SGCZ: variants seen among roughly 807,000 people sequenced by gnomAD.
SGCZ encodes sarcoglycan zeta.
In SGCZ, 40 loss-of-function variants were observed where a neutral mutation model predicts 41.3. The ratio of observed to expected loss-of-function variants is 0.97; its 90% confidence interval spans 0.75 to 1.26. The LOEUF is 1.26. Ranked by LOEUF, SGCZ falls within the 50% of genes most tolerant of loss-of-function variation. SGCZ has a pLI of 0.00. For synonymous variants in SGCZ, 206 were observed against 137.5 expected (o/e 1.50, Z -3.49); for missense variants, 552 against 369.8 (o/e 1.49, Z -4.04).
intron 3 of SGCZ, among the ~76,000 whole-genome samples, chr8:14,296,548 A>T (rs1801017757): frequency 6.6e-6 from 1 of 152,198 alleles, no homozygotes; most frequent in Non-Finnish European, 1.5e-5. Context: ...TCAACATAAG[A>T]AACAATATGT....
chr8:14,856,610 C>G (rs1251900443), intron 1 of SGCZ, among the ~76,000 whole-genome samples: 2 of 152,038 alleles, frequency 1.3e-5, no homozygotes, highest in Non-Finnish European at 2.9e-5. Context: ...AAGCCCTCCC[C>G]CAAATAAAGA....
intron 7 of SGCZ, among the ~76,000 whole-genome samples, chr8:14,091,533 G>A (rs928537878): frequency 2.6e-5 from 4 of 152,062 alleles, no homozygotes; most frequent in African/African-American, 7.2e-5. Flanking sequence ...GGCCTGAGAT[G>A]GTATCCCATT....
intron 1 of SGCZ, among the ~76,000 whole-genome samples, chr8:14,562,897 G>C (rs1277856341): frequency 1.3e-5 from 2 of 152,186 alleles, no homozygotes; most frequent in African/African-American, 4.8e-5. Flanking sequence ...TGATCTTAGA[G>C]ATGTGGTAGC....
At chr8:14,967,942 A>G (rs926935187) in intron 1 of SGCZ, among the ~76,000 whole-genome samples, 3 of 152,152 alleles carry the variant, frequency 2.0e-5, no homozygotes, top group African/African-American at 7.2e-5. Context: ...AAAGCAAATT[A>G]TTTTCACATA....
chr8:14,927,221 G>A (rs969165496), intron 1 of SGCZ, among the ~76,000 whole-genome samples: 4 of 147,564 alleles, frequency 2.7e-5, no homozygotes, highest in African/African-American at 1.0e-4. Flanking sequence ...CCATTCTCCT[G>A]CCTCACCCTC....
chr8:15,165,266 G>T (rs915208877), intron 1 of SGCZ, among the ~76,000 whole-genome samples: 10 of 151,962 alleles, frequency 6.6e-5, no homozygotes, highest in African/African-American at 2.4e-4. Context: ...CTCCAGCCTG[G>T]GACAGAGCGA....
chr8:14,867,503 C>A (rs1022966009), intron 1 of SGCZ, among the ~76,000 whole-genome samples: 1 of 152,022 alleles, frequency 6.6e-6, no homozygotes, highest in African/African-American at 2.4e-5. Context: ...GTATTTCTGT[C>A]TTTAGGTCTT....
At position 14,988,637 on chromosome 8, in the gene SGCZ, TA is replaced by T. The variant is rs571460132; in HGVS notation, c.39+248947del. Among the ~76,000 whole-genome samples, 1,326 of 151,280 alleles carry T rather than the reference TA, an allele frequency of 8.8e-3. 24 individuals carry two copies. The highest frequency in any genetic ancestry group is 0.029 in the African/African-American group (1,205 of 41,306). Reference sequence around the variant, plus strand: ...ACATTTTCAATGCAGTACAACATATTAAAAAAAAACTGTTATTCTAATAGTT... The same window carrying T: ...ACATTTTCAATGCAGTACAACATATTAAAAAAAACTGTTATTCTAATAGTT... On this transcript the variant is annotated intron_variant, in intron 1 of 7. Transcript: ENST00000382080.
At chr8:14,722,992 C>T (rs756086737) in intron 1 of SGCZ, among the ~76,000 whole-genome samples, 14 of 152,140 alleles carry the variant, frequency 9.2e-5, no homozygotes, top group Non-Finnish European at 1.8e-4. Context: ...ATTCAAGTCA[C>T]GCAGATTCTA....
At chr8:14,142,772 G>C (rs1317962493) in intron 5 of SGCZ, among the ~76,000 whole-genome samples, 11 of 152,076 alleles carry the variant, frequency 7.2e-5, no homozygotes, top group Non-Finnish European at 1.5e-5. Context: ...TCCCCCAGGT[G>C]CTGTCATCCC....
At chr8:14,839,404 A>G (rs925893018) in intron 1 of SGCZ, among the ~76,000 whole-genome samples, 2 of 152,186 alleles carry the variant, frequency 1.3e-5, no homozygotes, top group African/African-American at 4.8e-5. Context: ...TAAGATGTCT[A>G]TTAGACTCTG....
chr8:15,051,385 C>T (rs971591989), intron 1 of SGCZ, among the ~76,000 whole-genome samples: 1 of 152,074 alleles, frequency 6.6e-6, no homozygotes, highest in African/African-American at 2.4e-5. Flanking sequence ...AGAATGAATA[C>T]CACAATTTTT....
intron 1 of SGCZ, among the ~76,000 whole-genome samples, chr8:14,818,676 T>C (rs1482369307): frequency 6.6e-6 from 1 of 151,964 alleles, no homozygotes; most frequent in Non-Finnish European, 1.5e-5. Context: ...AAACAAATAA[T>C]TCACTGAAGT....
At chr8:14,955,786 A>G (rs1800772708) in intron 1 of SGCZ, among the ~76,000 whole-genome samples, 1 of 152,126 alleles carries the variant, frequency 6.6e-6, no homozygotes, top group Admixed American at 6.6e-5. Flanking sequence ...TGAATCATGT[A>G]TATCAACTCA....
chr8:14,627,249 T>C (rs192515096), intron 1 of SGCZ, among the ~76,000 whole-genome samples: 7 of 152,174 alleles, frequency 4.6e-5, no homozygotes, highest in Non-Finnish European at 1.0e-4. Context: ...GAACCTTTAG[T>C]TTACGTAGTA....
At chr8:15,040,411 C>A (rs1804048438) in intron 1 of SGCZ, among the ~76,000 whole-genome samples, 1 of 152,080 alleles carries the variant, frequency 6.6e-6, no homozygotes, top group Non-Finnish European at 1.5e-5. Context: ...GGTAGGAATT[C>A]AAGAGCAGCC....
intron 1 of SGCZ, among the ~76,000 whole-genome samples, chr8:14,592,486 T>A (rs375129933): frequency 1.3e-5 from 2 of 152,150 alleles, no homozygotes; most frequent in Non-Finnish European, 2.9e-5. Context: ...TTTACAAAGT[T>A]TATCTCTTCC....
At chr8:15,052,793 T>G (rs920520125) in intron 1 of SGCZ, among the ~76,000 whole-genome samples, 3 of 152,168 alleles carry the variant, frequency 2.0e-5, no homozygotes, top group African/African-American at 7.2e-5. Context: ...TTAATTTTGC[T>G]TGACCCCAAA....
At chr8:14,621,288 G>A (rs1408312503) in intron 1 of SGCZ, among the ~76,000 whole-genome samples, 1 of 120,690 alleles carries the variant, frequency 8.3e-6, no homozygotes, top group Non-Finnish European at 1.6e-5. Flanking sequence ...GGCCTGTTGT[G>A]GGGTGGGGGG....
Sources: allele counts gnomAD v4.1 joint callset (sites outside exome capture counted in the v4.1 genomes callset), GRCh38; gene constraint gnomAD v4.1.1; transcripts MANE v1.5; gene names NCBI Gene and HGNC (gene_info 2026-07-23, HGNC 2026-07-21).